AP5S1: variants seen among roughly 807,000 people sequenced by gnomAD.
AP5S1 encodes AP-5 complex subunit sigma-1.
In AP5S1, 13 loss-of-function variants were observed where a neutral mutation model predicts 13.9. The ratio of observed to expected loss-of-function variants is 0.94; its 90% CI spans 0.61 to 1.49. AP5S1 has a LOEUF of 1.49. AP5S1 is among the 40% of genes most tolerant of loss of function. AP5S1 has a pLI of 0.00. For synonymous variants in AP5S1, 132 were observed against 121.8 expected, an observed-to-expected ratio of 1.08 and a Z score of -0.55; for missense variants, 292 against 272.3, an observed-to-expected ratio of 1.07 and a Z score of -0.51.
chr20:3,827,097 C>T lies in AP5S1; in HGVS notation c.*2800C>T, dbSNP rs1451857820. On this transcript the variant is annotated 3_prime_UTR_variant, in exon 3 of 3. Transcript: ENST00000615891. ...CCTTTCTTCTCCCTGCCCCAGGAAC[C>T]CTGGCCAAACCACATATCCCTCAGC... The T allele has an allele frequency of 6.6e-6, 1 of 152,218 alleles. No homozygotes were observed. Among genetic ancestry groups the T allele is most frequent in the East Asian group, 1.9e-4 (1 of 5,192 alleles). 9.4% of individuals were successfully genotyped at this position (152,218 alleles called of 1,614,324 possible).
rs2089637308 is a variant in AP5S1, at chr20:3,828,598, T to G, written c.*4301T>G. 6.6e-6 allele frequency: 1 copy of G among 152,244 alleles called. No homozygotes were observed. Among genetic ancestry groups the G allele is most frequent in the East Asian group, 1.9e-4 (1 of 5,202 alleles). 9.4% of individuals were successfully genotyped at this position (152,244 alleles called of 1,614,324 possible). ...TTCCATAGTTTTGCCTTTTCCAGAA[T>G]GTTGTGTAGTTAGATTCATACTGTA... On this transcript the variant is annotated 3_prime_UTR_variant, in exon 3 of 3. Coordinates refer to ENST00000615891, the MANE Select transcript of AP5S1 (RefSeq NM_018347.3).
chr20:3,824,098 C>G lies in AP5S1; in HGVS notation c.404C>G (p.Ala135Gly), dbSNP rs761058224. The G allele has an allele frequency of 1.9e-6, 3 of 1,614,012 alleles. No homozygotes were observed. Among genetic ancestry groups the G allele is most frequent in the Admixed American group, 1.7e-5 (1 of 60,020 alleles). ...GATGCCCATGAGAACCTGCTACTGG[C>G]TGAGGGCACGCTCCGGCTGCTGACA... Reference protein sequence around the residue: ...VLDAHENLLLAEGTLRLLTRL... With the variant: ...VLDAHENLLLGEGTLRLLTRL... The change falls in exon 3 of 3, where the codon GCT (alanine) becomes GGT (glycine). Residue 135 changes from alanine (A) to glycine (G), a missense_variant. Transcript: ENST00000615891.
At position 3,826,961 on chromosome 20, in the gene AP5S1, T is replaced by C. The variant is rs6037671; in HGVS notation, c.*2664T>C. On this transcript the variant is annotated 3_prime_UTR_variant, in exon 3 of 3. Coordinates refer to ENST00000615891, the MANE Select transcript of AP5S1 (RefSeq NM_018347.3). ...GCTGCTCACAAGTGCTTTAAACACC[T>C]AAAGGAAGAAGGGGCACTTCAGTGA... 0.36 allele frequency: 55,099 copies of C among 152,016 alleles called. 12,862 individuals carry two copies. The highest frequency in any genetic ancestry group is 0.67 in the African/African-American group (27,636 of 41,424). 9.4% of individuals were successfully genotyped at this position (152,016 alleles called of 1,614,324 possible). A position where few individuals can be genotyped will look rare whatever the true frequency, so the allele number is the denominator to read the frequency against.
chr20:3,824,057 C>T lies in AP5S1; in HGVS notation c.363C>T (p.Gly121=), dbSNP rs778336117. ...TGTGGCTGGGCGTGCTCTCGTTAGGCTTTGCCCTGGTGCTGGATGCCCATG... is the reference window on the plus strand; with the variant it reads ...TGTGGCTGGGCGTGCTCTCGTTAGGTTTTGCCCTGGTGCTGGATGCCCATG... ...TVVWLGVLSL[G]FALVLDAHEN... Residue 121 remains glycine (G), a synonymous_variant, in exon 3 of 3, where the codon GGC becomes GGT. Transcript: ENST00000615891. 1 of 1,613,944 alleles carries T rather than the reference C, an allele frequency of 6.2e-7. No homozygotes were observed. The highest frequency in any genetic ancestry group is 1.1e-5 in the South Asian group (1 of 91,086).
At position 3,820,606 on chromosome 20, in the gene AP5S1, G is replaced by A. The variant is rs1321906003; in HGVS notation, c.-169G>A. On this transcript the variant is annotated 5_prime_UTR_variant, in exon 1 of 3. Coordinates refer to ENST00000615891, the MANE Select transcript of AP5S1 (RefSeq NM_018347.3). ...CGCTTGGTGGCAGTCCGCGGGCCCG[G>A]ACGGAAGGCTGAGGCGACGCCTCGA... The A allele has an allele frequency of 1.3e-5, 2 of 152,336 alleles. No homozygotes were observed. The highest frequency in any genetic ancestry group is 4.8e-5 in the African/African-American group (2 of 41,578). 9.4% of individuals were successfully genotyped at this position (152,336 alleles called of 1,614,324 possible). A position where few individuals can be genotyped will look rare whatever the true frequency, so the allele number is the denominator to read the frequency against.
In AP5S1 at chr20:3,824,524, T is replaced by C. The variant is rs57982793; in HGVS notation, c.*227T>C. On this transcript the variant is annotated 3_prime_UTR_variant, in exon 3 of 3. Transcript: ENST00000615891. Reference sequence around the variant, plus strand: ...CTGAGCCTAGAGCTGCTGTGTTACTTAGACCGCTGCCGTGCGGCAGCCACG... The same window carrying C: ...CTGAGCCTAGAGCTGCTGTGTTACTCAGACCGCTGCCGTGCGGCAGCCACG... 3.7e-3 allele frequency: 2,149 copies of C among 580,744 alleles called. 29 individuals are homozygous for C. Among genetic ancestry groups the C allele is most frequent in the African/African-American group, 0.036 (1,951 of 53,638 alleles). 36.0% of individuals were successfully genotyped at this position (580,744 alleles called of 1,614,324 possible). A position where few individuals can be genotyped will look rare whatever the true frequency, so the allele number is the denominator to read the frequency against.
chr20:3,823,700 A>T, intron 2 of AP5S1, 171 bp from the exon 3 acceptor site: 1 of 985,396 alleles, frequency 1.0e-6, no homozygotes. Flanking sequence ...CAGGACCTGG[A>T]GGCTCACACT....
At position 3,825,627 on chromosome 20, in the gene AP5S1, C is replaced by G. The variant is rs2146734321; in HGVS notation, c.*1330C>G. On this transcript the variant is annotated 3_prime_UTR_variant, in exon 3 of 3. Coordinates refer to ENST00000615891, the MANE Select transcript of AP5S1 (RefSeq NM_018347.3). ...GATCCCGGGAAGCAGGAAGGGGACA[C>G]AGTCCTCGTGAATGCTTGTCAAGCC... The G allele has an allele frequency of 6.6e-6, 1 of 152,282 alleles. No individual in the cohort carries two copies. Among genetic ancestry groups the G allele is most frequent in the Middle Eastern group, 3.4e-3 (1 of 294 alleles). 9.4% of individuals were successfully genotyped at this position (152,282 alleles called of 1,614,324 possible). A position where few individuals can be genotyped will look rare whatever the true frequency, so the allele number is the denominator to read the frequency against.
At position 3,828,491 on chromosome 20, in the gene AP5S1, T is replaced by C. The variant is rs1157687332; in HGVS notation, c.*4194T>C. The C allele has an allele frequency of 1.3e-5, 2 of 152,190 alleles. No homozygotes were observed. The highest frequency in any genetic ancestry group is 2.9e-5 in the Non-Finnish European group (2 of 68,044). The allele number at this position is 152,190 out of a possible 1,614,324, so 9.4% of individuals were successfully genotyped here. On this transcript the variant is annotated 3_prime_UTR_variant, in exon 3 of 3. Coordinates refer to ENST00000615891, the MANE Select transcript of AP5S1 (RefSeq NM_018347.3). ...CCATTATAGTATCATACAGAAGAGTTTCCCTGCCCGAACAGTCCTCTGCTG... is the reference window on the plus strand; with the variant it reads ...CCATTATAGTATCATACAGAAGAGTCTCCCTGCCCGAACAGTCCTCTGCTG...
At chr20:3,822,352 T>C in intron 2 of AP5S1, 59 bp downstream of exon 2, 1 of 1,528,112 alleles carries the variant, frequency 6.5e-7, no homozygotes, top group Non-Finnish European at 9.0e-7. Flanking sequence ...GTAATAGGTA[T>C]TTTCGGGGAG....
At position 3,824,043 on chromosome 20, in the gene AP5S1, G is replaced by C. The variant is rs376165428; in HGVS notation, c.349G>C (p.Val117Leu). Residue 117 changes from valine to leucine, a missense_variant, in exon 3 of 3, where the codon GTG (valine) becomes CTG (leucine). Val to Leu is a conservative substitution (Grantham distance 32, BLOSUM62 1). Transcript: ENST00000615891. ...QEPRTVVWLG[V>L]LSLGFALVLD... is the part of the protein sequence containing the mutation. ...GCCACGGACGGTGGTGTGGCTGGGC[G>C]TGCTCTCGTTAGGCTTTGCCCTGGT... is the stretch of plus-strand genomic sequence containing the variant. 6.2e-7 allele frequency: 1 copy of C among 1,613,758 alleles called. No individual in the cohort carries two copies. Among genetic ancestry groups the C allele is most frequent in the Middle Eastern group, 1.6e-4 (1 of 6,062 alleles).
At chr20:3,822,344 A>C in intron 2 of AP5S1, 51 bp downstream of exon 2, 1 of 1,572,044 alleles carries the variant, frequency 6.4e-7, no homozygotes, top group Non-Finnish European at 8.7e-7. Context: ...ACCTGATTGT[A>C]ATAGGTATTT....
rs780542185 is a variant in AP5S1, at chr20:3,824,050, C to T, written c.356C>T (p.Ser119Leu). 8.7e-6 allele frequency: 14 copies of T among 1,613,740 alleles called. No homozygotes were observed. The highest frequency in any genetic ancestry group is 4.0e-5 in the African/African-American group (3 of 74,938). ...PRTVVWLGVL[S>L]LGFALVLDAH... ...ACGGTGGTGTGGCTGGGCGTGCTCT[C>T]GTTAGGCTTTGCCCTGGTGCTGGAT... The change falls in exon 3 of 3, where the codon TCG becomes TTG. Residue 119 changes from serine to leucine, a missense_variant. Coordinates refer to ENST00000615891, the MANE Select transcript of AP5S1 (RefSeq NM_018347.3).
intron 1 of AP5S1, among the ~76,000 whole-genome samples, chr20:3,821,295 C>T (rs1385196521): frequency 6.6e-6 from 1 of 152,136 alleles, no homozygotes; most frequent in Non-Finnish European, 1.5e-5. Flanking sequence ...TTTTTCTGAC[C>T]CATAGTCCAT....
At position 3,823,486 on chromosome 20, in the gene AP5S1, C is replaced by T. The variant is rs544398711; in HGVS notation, c.177-385C>T. ...CAGGATGGTCTCGATCTCCTGACCT[C>T]GTGATCCGCCCGCCTCGGCCTCCCA... On this transcript the variant is annotated intron_variant, in intron 2 of 2. Transcript: ENST00000615891. 21 of 937,042 alleles carry T rather than the reference C, an allele frequency of 2.2e-5. No individual in the cohort carries two copies. In the East Asian group the frequency reaches 1.1e-3, roughly 47 times the overall value. The allele number at this position is 937,042 out of a possible 1,614,324, so 58.0% of individuals were successfully genotyped here. A position where few individuals can be genotyped will look rare whatever the true frequency, so the allele number is the denominator to read the frequency against.
Position 3,824,184 on chromosome 20 carries a change from G to C in AP5S1, c.490G>C (p.Asp164His). 3 of 1,614,152 alleles carry C rather than the reference G, an allele frequency of 1.9e-6. No homozygotes were observed. Among genetic ancestry groups the C allele is most frequent in the Non-Finnish European group, 2.5e-6 (3 of 1,180,048 alleles). The change falls in exon 3 of 3, where the codon GAC (aspartate) becomes CAC (histidine). Residue 164 changes from aspartate to histidine, a missense_variant. Physicochemically the swap from Asp to His is moderately conservative, Grantham distance 81. Transcript: ENST00000615891. ...APSTSLLLRA[D>H]RIEGILTRFL... is the part of the protein sequence containing the mutation. ...CAGCACCAGCCTTCTGCTGCGGGCT[G>C]ACCGCATTGAGGGCATCCTCACCCG...
rs6116054 is a variant in AP5S1, at chr20:3,821,853, G to T, written c.-16-249G>T. On this transcript the variant is annotated intron_variant, in intron 1 of 2. Transcript: ENST00000615891. ...TTTAGGGTGGTCTGAGATTTTTTTT[G>T]TTTGTTTGTTTGTTTTTCTTTTTTC... 5.7e-3 allele frequency: 5,266 copies of T among 921,050 alleles called. 208 individuals carry two copies. In the African/African-American group the frequency reaches 0.09, roughly 16 times the overall value. 57.1% of individuals were successfully genotyped at this position (921,050 alleles called of 1,614,324 possible). A position where few individuals can be genotyped will look rare whatever the true frequency, so the allele number is the denominator to read the frequency against.
Position 3,826,892 on chromosome 20 carries a change from T to A in AP5S1, c.*2595T>A, listed in dbSNP as rs2089628099. On this transcript the variant is annotated 3_prime_UTR_variant, in exon 3 of 3. Coordinates refer to ENST00000615891, the MANE Select transcript of AP5S1 (RefSeq NM_018347.3). ...AGAGACAGAGCTAAGGCCAGGTGAC[T>A]GCAGATGACTGCAAAGCAGCAATGG... The A allele has an allele frequency of 1.3e-5, 2 of 152,400 alleles. No individual in the cohort carries two copies. Among genetic ancestry groups the A allele is most frequent in the East Asian group, 3.9e-4 (2 of 5,180 alleles). 9.4% of individuals were successfully genotyped at this position (152,400 alleles called of 1,614,324 possible). A position where few individuals can be genotyped will look rare whatever the true frequency, so the allele number is the denominator to read the frequency against.
At chr20:3,823,091 G>A (rs577017871) in intron 2 of AP5S1, among the ~76,000 whole-genome samples, 4 of 152,178 alleles carry the variant, frequency 2.6e-5, no homozygotes, top group East Asian at 1.9e-4. Flanking sequence ...CAGCCTGTGC[G>A]TGGCTCAGAC....
Sources: gnomAD v4.1 joint callset for allele counts (sites outside exome capture counted in the v4.1 genomes callset) on GRCh38, gnomAD v4.1.1 for gene constraint, MANE v1.5 for transcripts, NCBI Gene and HGNC (gene_info 2026-07-23, HGNC 2026-07-21) for gene names.